Variants in KCNT2 observed in about 807,000 individuals in gnomAD.
KCNT2 encodes potassium sodium-activated channel subfamily T member 2.
Under a neutral mutation model 153.8 loss-of-function variants are expected in KCNT2, and 67 were observed. That is an observed-to-expected ratio of 0.44 (90% CI 0.36 to 0.53). KCNT2 has a LOEUF of 0.53. Among genes scored for constraint, KCNT2 ranks in the 20% least tolerant of loss-of-function variants. The pLI is 0.00. For missense variants in KCNT2, 975 were observed against 1,354.8 expected (o/e 0.72, Z 4.40); for synonymous variants, 500 against 458.8 (o/e 1.09, Z -1.15).
chr1:196,262,978 A>G (rs1657164322), intron 25 of KCNT2, among the ~76,000 whole-genome samples: 2 of 152,148 alleles, frequency 1.3e-5, no homozygotes, highest in African/African-American at 2.4e-5. Flanking sequence ...AGAACCTAGT[A>G]TTTAAACTCT....
intron 14 of KCNT2, among the ~76,000 whole-genome samples, chr1:196,347,587 T>A (rs557925993): frequency 6.6e-6 from 1 of 152,210 alleles, no homozygotes; most frequent in Non-Finnish European, 1.5e-5. Context: ...AATTATTTCA[T>A]GTCACTCTGC....
At chr1:196,310,404 A>G (rs1210164208) in intron 21 of KCNT2, among the ~76,000 whole-genome samples, 1 of 151,878 alleles carries the variant, frequency 6.6e-6, no homozygotes, top group Non-Finnish European at 1.5e-5. Context: ...AGTCTGAGTT[A>G]GTAATAAATG....
chr1:196,264,586 G>A (rs1657348666), intron 25 of KCNT2, among the ~76,000 whole-genome samples: 1 of 151,880 alleles, frequency 6.6e-6, no homozygotes, highest in Non-Finnish European at 1.5e-5. Context: ...TCTATATGTA[G>A]GACCTCACTC....
rs1653633752 is a variant in KCNT2 at position 196,228,168 on chromosome 1, C to A, written c.*56G>T. ...TCTAGTTTCTTTCGTGCCAGCAAAA[C>A]TTTTGTGGTTTCAAGCAAGGTCTTT... On this transcript the variant is annotated 3_prime_UTR_variant, in exon 28 of 28. Coordinates refer to ENST00000294725, the MANE Select transcript of KCNT2 (RefSeq NM_198503.5). 1.0e-6 allele frequency: 1 copy of A among 993,164 alleles called. No homozygotes were observed. The highest frequency in any genetic ancestry group is 1.6e-6 in the Non-Finnish European group (1 of 636,494). 61.5% of individuals were successfully genotyped at this position (993,164 alleles called of 1,614,324 possible). A position where few individuals can be genotyped will look rare whatever the true frequency, so the allele number is the denominator to read the frequency against.
chr1:196,240,490 T>C (rs1247972802), intron 26 of KCNT2, among the ~76,000 whole-genome samples: 2 of 152,042 alleles, frequency 1.3e-5, no homozygotes, highest in African/African-American at 2.4e-5. Context: ...TTATGTATTA[T>C]TATAGTAGCA....
At chr1:196,573,801 T>C (rs186364470) in intron 1 of KCNT2, among the ~76,000 whole-genome samples, 2 of 152,156 alleles carry the variant, frequency 1.3e-5, no homozygotes, top group Admixed American at 1.3e-4. Context: ...ATATAAAATG[T>C]TTTTTCCACA....
intron 13 of KCNT2, among the ~76,000 whole-genome samples, chr1:196,398,190 T>A (rs1671109313): frequency 6.6e-6 from 1 of 151,496 alleles, no homozygotes; most frequent in Non-Finnish European, 1.5e-5. Context: ...TAAACAATTA[T>A]CTATAGCCAA....
intron 1 of KCNT2, among the ~76,000 whole-genome samples, chr1:196,571,675 G>T (rs905590022): frequency 6.6e-6 from 1 of 152,092 alleles, no homozygotes; most frequent in Admixed American, 6.5e-5. Context: ...AGTCCAAATG[G>T]TACAAATTCA....
intron 13 of KCNT2, among the ~76,000 whole-genome samples, chr1:196,374,469 A>G (rs1266954182): frequency 6.6e-6 from 1 of 151,820 alleles, no homozygotes; most frequent in Non-Finnish European, 1.5e-5. Flanking sequence ...AATATATACT[A>G]TGGATATATG....
At chr1:196,498,918 C>T (rs1680460596) in intron 1 of KCNT2, among the ~76,000 whole-genome samples, 1 of 152,180 alleles carries the variant, frequency 6.6e-6, no homozygotes, top group Non-Finnish European at 1.5e-5. Flanking sequence ...TCCTAGCTCT[C>T]ATGACCTCAG....
At chr1:196,262,202 A>G (rs1160670158) in intron 25 of KCNT2, among the ~76,000 whole-genome samples, 2 of 151,970 alleles carry the variant, frequency 1.3e-5, no homozygotes, top group African/African-American at 4.8e-5. Flanking sequence ...CTCTTCACAC[A>G]CACATCAAAG....
intron 5 of KCNT2, among the ~76,000 whole-genome samples, chr1:196,471,549 G>A (rs1303118605): frequency 6.6e-6 from 1 of 150,696 alleles, no homozygotes; most frequent in African/African-American, 2.4e-5. Flanking sequence ...TTTTTTTTTG[G>A]TATCAATGAT....
chr1:196,373,246 G>C lies in KCNT2; in HGVS notation c.1297C>G (p.His433Asp). The change falls in exon 14 of 28, where the codon CAT becomes GAT. Residue 433 changes from histidine to aspartate, a missense_variant and splice_region_variant. His to Asp is a moderately conservative substitution (Grantham distance 81). This residue lies in a region of KCNT2 where 202 missense variants were observed against 314.9 expected (regional missense o/e 0.64). Coordinates refer to ENST00000294725, the MANE Select transcript of KCNT2 (RefSeq NM_198503.5). ...TTAAACTCTTCTTCACAAACAACAT[G>C]ATCTGTTTGAAATAAAATAGGTAAA... ...ENKFHIKFADHVVCEEEFKYA... is the reference protein window; with the variant it reads ...ENKFHIKFADDVVCEEEFKYA... The C allele has an allele frequency of 7.3e-7, 1 of 1,361,764 alleles. No homozygotes were observed. The highest frequency in any genetic ancestry group is 1.0e-6 in the Non-Finnish European group (1 of 953,584). 84.4% of individuals were successfully genotyped at this position (1,361,764 alleles called of 1,614,324 possible). A position where few individuals can be genotyped will look rare whatever the true frequency, so the allele number is the denominator to read the frequency against.
At chr1:196,299,023 C>T (rs1412979821) in intron 22 of KCNT2, among the ~76,000 whole-genome samples, 1 of 151,780 alleles carries the variant, frequency 6.6e-6, no homozygotes, top group Non-Finnish European at 1.5e-5. Flanking sequence ...GAATGGTGAT[C>T]ATTCAAAAGC....
intron 13 of KCNT2, among the ~76,000 whole-genome samples, chr1:196,380,935 T>C (rs976133263): frequency 2.0e-5 from 3 of 152,190 alleles, no homozygotes; most frequent in African/African-American, 7.2e-5. Context: ...TCAGAAACTT[T>C]GCCAATTCAG....
At chr1:196,381,195 T>A (rs1402330096) in intron 13 of KCNT2, among the ~76,000 whole-genome samples, 1 of 152,158 alleles carries the variant, frequency 6.6e-6, no homozygotes, top group Non-Finnish European at 1.5e-5. Context: ...TTTTGATGTT[T>A]CAGGCTATTA....
Position 196,488,185 on chromosome 1 carries a change from G to T in KCNT2, c.275+1653C>A, listed in dbSNP as rs112432752. On this transcript the variant is annotated intron_variant, in intron 3 of 27. Transcript: ENST00000294725. ...GAAAGGGATTTAAAAATAAAGCAAA[G>T]CAGCACAAAATATCTGCAGACTTAT... Among the ~76,000 whole-genome samples, 768 of 151,982 alleles carry T rather than the reference G, an allele frequency of 5.1e-3. 6 individuals are homozygous for T. The highest frequency in any genetic ancestry group is 0.018 in the African/African-American group (736 of 41,492).
intron 1 of KCNT2, among the ~76,000 whole-genome samples, chr1:196,589,548 TACCAA>T (rs1462926551): frequency 6.6e-6 from 1 of 152,120 alleles, no homozygotes; most frequent in African/African-American, 2.4e-5. Context: ...TTGGGGAGTT[TACCAA>T]ACCAAAAACC....
At chr1:196,243,549 G>A (rs1655150291) in intron 26 of KCNT2, among the ~76,000 whole-genome samples, 1 of 152,158 alleles carries the variant, frequency 6.6e-6, no homozygotes, top group Non-Finnish European at 1.5e-5. Context: ...GGAGAACACA[G>A]TGACTGTGAG....
Sources: gnomAD v4.1 joint callset for allele counts (sites outside exome capture counted in the v4.1 genomes callset) on GRCh38, gnomAD v4.1.1 for gene constraint, gnomAD v4.1.1 regional missense constraint, MANE v1.5 for transcripts, NCBI Gene and HGNC (gene_info 2026-07-23, HGNC 2026-07-21) for gene names.